Variants in SBSPON observed in about 807,000 individuals in gnomAD.
The protein encoded by SBSPON is somatomedin-B and thrombospondin type-1 domain-containing protein.
SBSPON carries 30 observed loss-of-function variants against 35.8 expected under a neutral mutation model. That is an observed-to-expected ratio of 0.84 (90% CI 0.63 to 1.14). The LOEUF is 1.14. Among genes scored for constraint, SBSPON ranks in the 50% most tolerant of loss-of-function variants. The pLI, the probability that SBSPON is intolerant of heterozygous loss-of-function variation, is 0.00. For synonymous variants in SBSPON, 136 were observed against 135.9 expected, an observed-to-expected ratio of 1.00 and a Z score of 0.00; for missense variants, 364 against 357.7, an observed-to-expected ratio of 1.02 and a Z score of -0.14.
chr8:73,090,505 G>T (rs1281990136), intron 1 of SBSPON, among the ~76,000 whole-genome samples: 1 of 152,236 alleles, frequency 6.6e-6, no homozygotes, highest in Non-Finnish European at 1.5e-5. Flanking sequence ...TGGGTCCAGG[G>T]CTGAGCAGGC....
intron 1 of SBSPON, among the ~76,000 whole-genome samples, chr8:73,089,148 G>A (rs1167611958): frequency 2.0e-5 from 3 of 152,228 alleles, no homozygotes; most frequent in African/African-American, 7.2e-5. Flanking sequence ...ATCAGTGCAA[G>A]TCAGGTGAGA....
chr8:73,081,139 G>A lies in SBSPON; in HGVS notation c.289C>T (p.Arg97Trp), dbSNP rs200486831. 84 of 1,613,014 alleles carry A rather than the reference G, an allele frequency of 5.2e-5. No homozygotes were observed. Among genetic ancestry groups the A allele is most frequent in the Admixed American group, 1.5e-4 (9 of 59,890 alleles). ...GGCTCCTGCTGCACCGAGCGCCTCC[G>A]CACACGGGTTGTAGGCTTGCACTGG... Reference protein sequence around the residue: ...ADQCKPTTRVRRRSVQQEPQN... With the variant: ...ADQCKPTTRVWRRSVQQEPQN... Residue 97 changes from arginine to tryptophan, a missense_variant, in exon 2 of 5, where the codon CGG becomes TGG. Physicochemically the swap from Arg to Trp is moderately radical, Grantham distance 101. Coordinates refer to ENST00000297354, the MANE Select transcript of SBSPON (RefSeq NM_153225.4).
rs753829353 is a variant in SBSPON, at chr8:73,081,027, T to C, written c.401A>G (p.His134Arg). The C allele has an allele frequency of 1.0e-5, 16 of 1,596,360 alleles. No individual in the cohort carries two copies. In the East Asian group the frequency reaches 3.4e-4, roughly 33 times the overall value. Residue 134 changes from histidine to arginine, a missense_variant, in exon 2 of 5, where the codon CAC becomes CGC. Transcript: ENST00000297354. ...CATGAAAACATCAGTACCATAGGTG[T>C]GCCCGCAGTCCTGGCCCTGCGGGGT... ...YSTPQGQDCG[H>R]TYVPAFITTS... is the part of the protein sequence containing the mutation.
At chr8:73,071,641 G>T (rs1810493556) in intron 3 of SBSPON, 139 bp downstream of exon 3, 1 of 605,352 alleles carries the variant, frequency 1.7e-6, no homozygotes, top group African/African-American at 1.9e-5. Context: ...TCCCAACTCT[G>T]ATGAAGAGTC....
chr8:73,066,873 T>G lies in SBSPON; in HGVS notation c.*468A>C, dbSNP rs1047410. ...TGAAATTATTTCAGAATTTATGGAA[T>G]ATTAAATATATGGAAATATATGTGT... On this transcript the variant is annotated 3_prime_UTR_variant, in exon 5 of 5. Coordinates refer to ENST00000297354, the MANE Select transcript of SBSPON (RefSeq NM_153225.4). 1 of 151,306 alleles carries G rather than the reference T, an allele frequency of 6.6e-6. No homozygotes were observed. The highest frequency in any genetic ancestry group is 1.9e-4 in the East Asian group (1 of 5,160). 9.4% of individuals were successfully genotyped at this position (151,306 alleles called of 1,614,324 possible).
chr8:73,087,400 G>A (rs1464863104), intron 1 of SBSPON, among the ~76,000 whole-genome samples: 6 of 152,150 alleles, frequency 3.9e-5, no homozygotes, highest in East Asian at 3.9e-4. Context: ...TTGGGAGAGC[G>A]CCTGGTATGG....
chr8:73,070,839 T>G (rs915515794), intron 3 of SBSPON, among the ~76,000 whole-genome samples: 2 of 152,204 alleles, frequency 1.3e-5, no homozygotes, highest in African/African-American at 2.4e-5. Context: ...CATACAATTA[T>G]GAGTTGCAAT....
intron 1 of SBSPON, among the ~76,000 whole-genome samples, chr8:73,087,607 T>A (rs1325187564): frequency 2.0e-5 from 3 of 152,164 alleles, no homozygotes; most frequent in Non-Finnish European, 4.4e-5. Context: ...CATCGTAGAC[T>A]CTGGCATCTT....
rs1810501118 is a variant in SBSPON, at chr8:73,071,932, A to G, written c.410-62T>C. 1.4e-5 allele frequency: 16 copies of G among 1,148,244 alleles called. No homozygotes were observed. In the South Asian group the frequency reaches 2.0e-4, roughly 14 times the overall value. The allele number at this position is 1,148,244 out of a possible 1,614,324, so 71.1% of individuals were successfully genotyped here. On this transcript the variant is annotated intron_variant, in intron 2 of 4. Transcript: ENST00000297354. ...AAAGTACTCAGACCATCGTTTCCCA[A>G]TTTTGGTTTTGTACCTGTCTAAGGG...
chr8:73,088,906 C>T lies in SBSPON; in HGVS notation c.214+3948G>A, dbSNP rs138165698. ...TGAGTAATGGAAACCCTTGGAAAGC[C>T]TTAGCTGTTCTGTCTGTAAAAATGC... On this transcript the variant is annotated intron_variant, in intron 1 of 4. Coordinates refer to ENST00000297354, the MANE Select transcript of SBSPON (RefSeq NM_153225.4). 7.9e-5 allele frequency among the ~76,000 whole-genome samples: 12 copies of T among 152,258 alleles called. No individual in the cohort carries two copies. In the South Asian group the frequency reaches 1.5e-3, roughly 18 times the overall value.
intron 2 of SBSPON, among the ~76,000 whole-genome samples, chr8:73,076,729 C>T (rs191630626): frequency 1.9e-4 from 28 of 150,730 alleles, no homozygotes; most frequent in East Asian, 3.9e-4. Context: ...GGATGGAGGA[C>T]GGCGGCAGTG....
Position 73,067,452 on chromosome 8 carries a change from C to T in SBSPON, c.684G>A (p.Gln228=), listed in dbSNP as rs1586087210. 1 of 1,589,890 alleles carries T rather than the reference C, an allele frequency of 6.3e-7. No individual in the cohort carries two copies. Among genetic ancestry groups the T allele is most frequent in the East Asian group, 2.2e-5 (1 of 44,598 alleles). ...SGDGLDSDGN[Q]TLHWQAIGNP... is the part of the protein sequence containing the mutation. ...TACCAATTGCTTGCCAATGGAGAGT[C>T]TGATTTCTGAAACGATATTTCGAAA... Residue 228 remains glutamine, a synonymous_variant, in exon 5 of 5, where the codon CAG becomes CAA. Coordinates refer to ENST00000297354, the MANE Select transcript of SBSPON (RefSeq NM_153225.4).
Position 73,093,079 on chromosome 8 carries a change from C to T in SBSPON, c.-12G>A, listed in dbSNP as rs953732949. The T allele has an allele frequency of 6.1e-6, 8 of 1,314,736 alleles. No homozygotes were observed. Among genetic ancestry groups the T allele is most frequent in the Non-Finnish European group, 7.7e-6 (8 of 1,034,054 alleles). The allele number at this position is 1,314,736 out of a possible 1,614,324, so 81.4% of individuals were successfully genotyped here. ...CACAGGGTCCTCATGGCCAGGGCTC[C>T]GGCGGCGCCTGCGACGCGACAGACC... On this transcript the variant is annotated 5_prime_UTR_variant, in exon 1 of 5. Coordinates refer to ENST00000297354, the MANE Select transcript of SBSPON (RefSeq NM_153225.4).
intron 2 of SBSPON, among the ~76,000 whole-genome samples, chr8:73,074,219 G>A (rs987373233): frequency 2.0e-5 from 3 of 152,190 alleles, no homozygotes; most frequent in Non-Finnish European, 2.9e-5. Context: ...AATTTGTACT[G>A]CATATATCAT....
chr8:73,078,107 G>C lies in SBSPON; in HGVS notation c.409+2912C>G, dbSNP rs538662897. ...AGCAGTGGCTCTCAAACTCCAGTGA[G>C]CATCCGAAGCCCCTGGAAGCCTTGC... is the stretch of plus-strand genomic sequence containing the variant. On this transcript the variant is annotated intron_variant, in intron 2 of 4. Transcript: ENST00000297354. Among the ~76,000 whole-genome samples, 5 of 152,290 alleles carry C rather than the reference G, an allele frequency of 3.3e-5. No individual in the cohort carries two copies. In the East Asian group the frequency reaches 9.7e-4, roughly 29 times the overall value.
intron 1 of SBSPON, among the ~76,000 whole-genome samples, chr8:73,086,450 C>T (rs1352397035): frequency 2.6e-5 from 4 of 152,164 alleles, no homozygotes; most frequent in African/African-American, 9.7e-5. Context: ...GCATGAGCCA[C>T]CGTGCCCGGC....
At position 73,092,842 on chromosome 8, in the gene SBSPON, C is replaced by T; in HGVS notation, c.214+12G>A. 1 of 1,607,028 alleles carries T rather than the reference C, an allele frequency of 6.2e-7. No homozygotes were observed. Among genetic ancestry groups the T allele is most frequent in the Non-Finnish European group, 8.5e-7 (1 of 1,176,610 alleles). On this transcript the variant is annotated intron_variant, in intron 1 of 4. Transcript: ENST00000297354. ...TAACGGCCGGCGCCCCACTCTCGGC[C>T]TGACCACCCACCTGGGCACGCCCTG... is the stretch of plus-strand genomic sequence containing the variant.
At chr8:73,089,175 A>G (rs1188688650) in intron 1 of SBSPON, among the ~76,000 whole-genome samples, 1 of 152,224 alleles carries the variant, frequency 6.6e-6, no homozygotes, top group Non-Finnish European at 1.5e-5. Flanking sequence ...CCACCAAATG[A>G]GTTATGAAAA....
Position 73,071,783 on chromosome 8 carries a change from G to T in SBSPON, c.497C>A (p.Ala166Asp). The T allele has an allele frequency of 6.4e-7, 1 of 1,569,276 alleles. No homozygotes were observed. Among genetic ancestry groups the T allele is most frequent in the Non-Finnish European group, 8.7e-7 (1 of 1,144,828 alleles). The change falls in exon 3 of 5, where the codon GCT becomes GAT. Residue 166 changes from alanine (A) to aspartate (D), a missense_variant. Transcript: ENST00000297354. ...SPHWSTHTED[A>D]GYCMEFKTES... Reference sequence around the variant, plus strand: ...AAAAAAAAAAACACGAAATTACCCAGCATCCTCTGTGTGTGTAGACCAGTG... The same window carrying T: ...AAAAAAAAAAACACGAAATTACCCATCATCCTCTGTGTGTGTAGACCAGTG...
Sources: allele counts gnomAD v4.1 joint callset (sites outside exome capture counted in the v4.1 genomes callset), GRCh38; gene constraint gnomAD v4.1.1; transcripts MANE v1.5; gene names NCBI Gene and HGNC (gene_info 2026-07-23, HGNC 2026-07-21).